The following USP30 variants were observed in gnomAD, a reference collection of about 807,000 sequenced individuals.
USP30 encodes ubiquitin specific peptidase 30.
USP30 carries 41 observed loss-of-function variants against 68.2 expected under a neutral mutation model. The observed-to-expected ratio is 0.60, with a 90% CI of 0.47 to 0.78. The LOEUF (loss-of-function observed/expected upper bound fraction) is 0.78, where lower values mean the gene tolerates loss of function less well. USP30 is among the 30% of genes least tolerant of loss of function. The pLI is 0.00. For missense variants in USP30, 522 were observed against 649.4 expected (o/e 0.80, Z 2.13); for synonymous variants, 229 against 253.7 (o/e 0.90, Z 0.93).
At chr12:109,072,212 C>T (rs1039255727) in intron 5 of USP30, 93 bp from the exon 6 acceptor site, 19 of 1,104,268 alleles carry the variant, frequency 1.7e-5, no homozygotes, top group Middle Eastern at 4.0e-4. Context: ...GTGTAATCAA[C>T]GTAGAAACTT....
chr12:109,057,154 GT>G (rs1254121966), intron 2 of USP30, among the ~76,000 whole-genome samples: 4 of 151,700 alleles, frequency 2.6e-5, no homozygotes, highest in Non-Finnish European at 4.4e-5. Flanking sequence ...CTAGTAACTG[GT>G]AAAAATTTCA....
At chr12:109,032,523 G>A (rs1448713925) in intron 3 of USP30, among the ~76,000 whole-genome samples, 1 of 152,178 alleles carries the variant, frequency 6.6e-6, no homozygotes, top group Non-Finnish European at 1.5e-5. Flanking sequence ...CATTGTGTTA[G>A]GTGAAACAAT....
chr12:109,082,628 G>A, intron 9 of USP30, 35 bp from the exon 10 acceptor site: 1 of 1,604,586 alleles, frequency 6.2e-7, no homozygotes. Flanking sequence ...TCCTATTTTA[G>A]GCATTGCTGC....
chr12:109,078,598 C>CA (rs1184044024), intron 7 of USP30, among the ~76,000 whole-genome samples: 9,151 of 115,752 alleles, frequency 0.079, 391 homozygotes, highest in East Asian at 0.2. Flanking sequence ...GACTCCATCT[C>CA]AAAAAAAAAA....
chr12:109,080,731 G>A (rs1377604401), intron 7 of USP30, among the ~76,000 whole-genome samples: 3 of 152,170 alleles, frequency 2.0e-5, no homozygotes, highest in East Asian at 1.9e-4. Flanking sequence ...TGGTGGTCCC[G>A]TAAGATTATA....
intron 1 of USP30, among the ~76,000 whole-genome samples, chr12:109,054,445 C>T (rs552405846): frequency 9.3e-5 from 14 of 151,328 alleles, no homozygotes; most frequent in Admixed American, 2.0e-4. Context: ...CACCTGAGCC[C>T]GGAAGGTGAA....
At chr12:109,044,479 A>T (rs891062498) in intron 3 of USP30, among the ~76,000 whole-genome samples, 6 of 152,104 alleles carry the variant, frequency 3.9e-5, no homozygotes, top group Non-Finnish European at 8.8e-5. Flanking sequence ...CTCTACAAAA[A>T]AAGAAAAATC....
chr12:109,051,249 CTTTTTT>C (rs138942249), upstream of USP30, among the ~76,000 whole-genome samples: 22 of 63,582 alleles, frequency 3.5e-4, no homozygotes, highest in East Asian at 1.2e-3. Flanking sequence ...TTACCTCTTG[CTTTTTT>C]TTTTTTTTTT....
chr12:109,058,073 A>C lies in USP30; in HGVS notation c.341A>C (p.Gln114Pro), dbSNP rs761036791. 8.7e-6 allele frequency: 14 copies of C among 1,613,804 alleles called. No homozygotes were observed. The highest frequency in any genetic ancestry group is 1.7e-5 in the Admixed American group (1 of 59,926). The change falls in exon 3 of 13, where the codon CAG becomes CCG. Residue 114 changes from glutamine to proline, a missense_variant. Gln to Pro is a moderately conservative substitution (Grantham distance 76). Transcript: ENST00000257548. ...SRDQKEPPSHQYLSLTLLHLL... is the reference protein window; with the variant it reads ...SRDQKEPPSHPYLSLTLLHLL... The stretch of plus-strand genomic sequence containing the variant: ...GATCAGAAGGAGCCCCCCTCACACC[A>C]GTATTTATCCTTAACACTCTTGCAC...
chr12:109,073,346 T>C, intron 6 of USP30, 92 bp from the exon 7 acceptor site: 2 of 833,622 alleles, frequency 2.4e-6, no homozygotes, highest in Non-Finnish European at 4.0e-6. Flanking sequence ...TCTTAAGAGG[T>C]AGTTTCTACC....
At chr12:109,035,497 G>T (rs1469283966) in intron 3 of USP30, among the ~76,000 whole-genome samples, 1 of 152,082 alleles carries the variant, frequency 6.6e-6, no homozygotes, top group Non-Finnish European at 1.5e-5. Context: ...CTGAGTAGTT[G>T]GGACTACAGG....
chr12:109,041,328 G>A (rs561982357), intron 3 of USP30, among the ~76,000 whole-genome samples: 2 of 152,124 alleles, frequency 1.3e-5, no homozygotes, highest in Middle Eastern at 3.4e-3. Context: ...AGCTTGCTGG[G>A]GCTTCATGAT....
At chr12:109,028,120 T>A (rs1445262324) in intron 3 of USP30, among the ~76,000 whole-genome samples, 4 of 152,168 alleles carry the variant, frequency 2.6e-5, no homozygotes, top group African/African-American at 4.8e-5. Context: ...TAACTAACAA[T>A]GTTGAGCATC....
At chr12:109,067,215 G>A (rs1283668054) in intron 3 of USP30, among the ~76,000 whole-genome samples, 1 of 146,970 alleles carries the variant, frequency 6.8e-6, no homozygotes, top group Non-Finnish European at 1.5e-5. Flanking sequence ...CCGGGTTCAT[G>A]CCATTCTCCT....
intron 1 of USP30, 64 bp from the exon 2 acceptor site, chr12:109,056,618 A>C: frequency 2.6e-6 from 3 of 1,172,126 alleles, no homozygotes; most frequent in Non-Finnish European, 3.7e-6. Flanking sequence ...TATTCTGTCT[A>C]TATCTGTATA....
intron 7 of USP30, among the ~76,000 whole-genome samples, chr12:109,074,881 C>T (rs184772484): frequency 6.6e-6 from 1 of 152,286 alleles, no homozygotes; most frequent in African/African-American, 2.4e-5. Flanking sequence ...CATCTCCCCA[C>T]CTCCCCAGCC....
chr12:109,050,627 T>G (rs2040651731), upstream of USP30, among the ~76,000 whole-genome samples: 1 of 152,126 alleles, frequency 6.6e-6, no homozygotes, highest in African/African-American at 2.4e-5. Flanking sequence ...AACTGTGCTG[T>G]CCAATACGGT....
intron 7 of USP30, among the ~76,000 whole-genome samples, chr12:109,077,515 C>T (rs549368406): frequency 1.3e-5 from 2 of 152,008 alleles, no homozygotes; most frequent in Non-Finnish European, 2.9e-5. Context: ...TTTATTTGGT[C>T]ATTTCTTTCT....
Position 109,081,660 on chromosome 12 carries a change from C to CACACACACACACACACACAG in USP30, c.780+270_781-269insCACACACACACACACAGACA. The CACACACACACACACACACAG allele has an allele frequency of 1.4e-5, 8 of 565,532 alleles. No individual in the cohort carries two copies. The South Asian group carries it at 1.7e-4, about 12-fold the overall frequency. The allele number at this position is 565,532 out of a possible 1,614,324, so 35.0% of individuals were successfully genotyped here. A position where few individuals can be genotyped will look rare whatever the true frequency, so the allele number is the denominator to read the frequency against. On this transcript the variant is annotated intron_variant, in intron 8 of 12. Coordinates refer to ENST00000257548, the MANE Select transcript of USP30 (RefSeq NM_032663.5). ...ACACACACACACACACACACACACA[C>CACACACACACACACACACAG]ACAGACATTAACCTCAGATTGAAAG...
Sources: gnomAD v4.1 joint callset for allele counts (sites outside exome capture counted in the v4.1 genomes callset) on GRCh38, gnomAD v4.1.1 for gene constraint, MANE v1.5 for transcripts, NCBI Gene and HGNC (gene_info 2026-07-23, HGNC 2026-07-21) for gene names.